UBTD2: variants seen among roughly 807,000 people sequenced by gnomAD.
The protein encoded by UBTD2 is ubiquitin domain containing 2, also known as ubiquitin domain-containing protein 2.
A neutral mutation model predicts 19.8 loss-of-function variants in UBTD2; 9 were observed. The observed-to-expected ratio is 0.46, with a 90% CI of 0.27 to 0.79. UBTD2 has a LOEUF of 0.79. UBTD2 is among the 30% of genes least tolerant of loss of function. The pLI is 0.14. For synonymous variants in UBTD2, 98 were observed against 103.9 expected (o/e 0.94, Z 0.35); for missense variants, 250 against 300.4 (o/e 0.83, Z 1.24).
chr5:172,251,934 G>A (rs1042900078), intron 1 of UBTD2, among the ~76,000 whole-genome samples: 14 of 152,234 alleles, frequency 9.2e-5, no homozygotes, highest in Non-Finnish European at 1.8e-4. Flanking sequence ...AAAGGAAGAT[G>A]AGGGAGATGA....
intron 2 of UBTD2, among the ~76,000 whole-genome samples, chr5:172,230,884 T>C (rs957081328): frequency 6.6e-6 from 1 of 151,718 alleles, no homozygotes; most frequent in East Asian, 1.9e-4. Flanking sequence ...CCCAGGTTCA[T>C]GCCATTCTCC....
intron 1 of UBTD2, among the ~76,000 whole-genome samples, chr5:172,273,099 AAATAAAAAT>A (rs1343021331): frequency 6.9e-6 from 1 of 143,996 alleles, no homozygotes; most frequent in African/African-American, 2.9e-5. Context: ...AAAAAAATAA[AAATAAAAAT>A]AAAAATCTGT....
At chr5:172,261,659 C>T (rs1180337040) in intron 1 of UBTD2, among the ~76,000 whole-genome samples, 2 of 151,908 alleles carry the variant, frequency 1.3e-5, no homozygotes, top group Non-Finnish European at 2.9e-5. Flanking sequence ...GAGTCTCACT[C>T]TGTTGCCCAG....
chr5:172,273,620 G>A (rs28507714), intron 1 of UBTD2, among the ~76,000 whole-genome samples: 1,496 of 54,460 alleles, frequency 0.027, 61 homozygotes, highest in East Asian at 0.042. Context: ...AAAAAAAAAA[G>A]GCTTTCCAAC....
intron 2 of UBTD2, among the ~76,000 whole-genome samples, chr5:172,225,648 G>A (rs1469913386): frequency 6.6e-6 from 1 of 152,192 alleles, no homozygotes; most frequent in Non-Finnish European, 1.5e-5. Flanking sequence ...TGGCAAGGGT[G>A]TGGAAATGTT....
intron 2 of UBTD2, among the ~76,000 whole-genome samples, chr5:172,227,619 A>G (rs1771796167): frequency 6.6e-6 from 1 of 150,722 alleles, no homozygotes; most frequent in African/African-American, 2.4e-5. Flanking sequence ...TCCTGACCTC[A>G]TGATCTGCCT....
At chr5:172,256,975 ATTCT>A (rs1013417020) in intron 1 of UBTD2, among the ~76,000 whole-genome samples, 6 of 152,064 alleles carry the variant, frequency 3.9e-5, no homozygotes, top group African/African-American at 7.2e-5. Flanking sequence ...TTCTTGATGA[ATTCT>A]TTTTTTTCTT....
intron 2 of UBTD2, among the ~76,000 whole-genome samples, chr5:172,230,770 T>C (rs1055624789): frequency 1.3e-4 from 20 of 151,594 alleles, no homozygotes; most frequent in African/African-American, 4.9e-4. Flanking sequence ...CAACGTAAAA[T>C]TTATTTTTTT....
chr5:172,237,043 C>T (rs1041825814), intron 1 of UBTD2, among the ~76,000 whole-genome samples: 6 of 152,102 alleles, frequency 3.9e-5, no homozygotes, highest in Admixed American at 1.3e-4. Flanking sequence ...ACAGATGATG[C>T]GTTTATGTTG....
chr5:172,221,399 G>C (rs541162908), intron 2 of UBTD2, among the ~76,000 whole-genome samples: 1 of 152,178 alleles, frequency 6.6e-6, no homozygotes, highest in East Asian at 1.9e-4. Flanking sequence ...CACCTACTTG[G>C]AAGACTGAGG....
Position 172,250,043 on chromosome 5 carries a change from T to C in UBTD2, c.71-15685A>G, listed in dbSNP as rs191856319. Among the ~76,000 whole-genome samples the C allele has an allele frequency of 2.9e-3, 448 of 152,206 alleles. 6 individuals carry two copies. The highest frequency in any genetic ancestry group is 0.01 in the African/African-American group (427 of 41,540). On this transcript the variant is annotated intron_variant, in intron 1 of 2. Coordinates refer to ENST00000393792, the MANE Select transcript of UBTD2 (RefSeq NM_152277.3). Reference sequence around the variant, plus strand: ...TTCGAGACCAGCCTGGCAAACGTGGTGAAACCTCGTCTCTACTAAAAATAC... The same window carrying C: ...TTCGAGACCAGCCTGGCAAACGTGGCGAAACCTCGTCTCTACTAAAAATAC...
chr5:172,275,316 T>C (rs1218884827), intron 1 of UBTD2, among the ~76,000 whole-genome samples: 1 of 152,090 alleles, frequency 6.6e-6, no homozygotes, highest in Non-Finnish European at 1.5e-5. Flanking sequence ...GTATCTCCCA[T>C]GACACGTGGA....
chr5:172,212,665 A>G (rs981340391), intron 2 of UBTD2, among the ~76,000 whole-genome samples: 2 of 152,136 alleles, frequency 1.3e-5, no homozygotes, highest in African/African-American at 2.4e-5. Context: ...GTTTTCTTTT[A>G]TTCTTTTTCT....
At chr5:172,265,426 CT>C (rs1451215979) in intron 1 of UBTD2, among the ~76,000 whole-genome samples, 2 of 152,184 alleles carry the variant, frequency 1.3e-5, no homozygotes, top group Non-Finnish European at 2.9e-5. Flanking sequence ...GCTCCGCCCC[CT>C]GGGTTCACGC....
At chr5:172,249,815 C>G (rs1754954390) in intron 1 of UBTD2, among the ~76,000 whole-genome samples, 1 of 152,114 alleles carries the variant, frequency 6.6e-6, no homozygotes, top group Non-Finnish European at 1.5e-5. Context: ...TAAGGGGGAA[C>G]CCACGTGATC....
intron 2 of UBTD2, among the ~76,000 whole-genome samples, 168 bp downstream of exon 2, chr5:172,233,954 T>A (rs1771957828): frequency 6.6e-6 from 1 of 151,980 alleles, no homozygotes; most frequent in Non-Finnish European, 1.5e-5. Context: ...AAAACCTGTC[T>A]CCAGCTGAAA....
chr5:172,257,377 A>G (rs1435544773), intron 1 of UBTD2, among the ~76,000 whole-genome samples: 1 of 152,210 alleles, frequency 6.6e-6, no homozygotes, highest in Non-Finnish European at 1.5e-5. Flanking sequence ...TTCTTTATCC[A>G]GTCCACTGAT....
At chr5:172,282,588 G>A (rs1401744823) in intron 1 of UBTD2, among the ~76,000 whole-genome samples, 1 of 152,116 alleles carries the variant, frequency 6.6e-6, no homozygotes, top group Non-Finnish European at 1.5e-5. Context: ...AAAATTTACA[G>A]ACATGCACAT....
intron 1 of UBTD2, among the ~76,000 whole-genome samples, chr5:172,279,217 T>C (rs1581237214): frequency 6.6e-6 from 1 of 152,250 alleles, no homozygotes; most frequent in Non-Finnish European, 1.5e-5. Flanking sequence ...GGTGCAAAAG[T>C]AATTGCGGTT....
Sources: gnomAD v4.1 joint callset for allele counts (sites outside exome capture counted in the v4.1 genomes callset) on GRCh38, gnomAD v4.1.1 for gene constraint, MANE v1.5 for transcripts, NCBI Gene and HGNC (gene_info 2026-07-23, HGNC 2026-07-21) for gene names.